C2CD5: variants seen among roughly 807,000 people sequenced by gnomAD.
C2CD5 encodes C2 domain-containing protein 5.
In C2CD5, 109 loss-of-function variants were observed where a neutral mutation model predicts 130.3. The ratio of observed to expected loss-of-function variants is 0.84; its 90% confidence interval spans 0.72 to 0.98. The LOEUF is 0.98. Ranked by LOEUF, C2CD5 falls within the 50% of genes least tolerant of loss-of-function variation. The pLI is 0.00. For missense variants in C2CD5, 996 were observed against 1,261.8 expected (o/e 0.79, Z 3.19); for synonymous variants, 454 against 429.2 (o/e 1.06, Z -0.71).
chr12:22,523,875 A>G (rs1591980130), intron 6 of C2CD5, among the ~76,000 whole-genome samples: 2 of 150,696 alleles, frequency 1.3e-5, no homozygotes, highest in East Asian at 1.9e-4. Flanking sequence ...AAACAAATAT[A>G]TTTGCTATAT....
rs766371290 is a variant in C2CD5, at chr12:22,523,599, C to T, written c.627G>A (p.Leu209=). Residue 209 remains leucine (L), a synonymous_variant, in exon 7 of 27, where the codon TTG becomes TTA. Transcript: ENST00000446597. ...CATTTCCTCTCATTTCAAGTACTTTCAAGCCAATCTTCCTCTGCAGCTCAC... is the reference window on the plus strand; with the variant it reads ...CATTTCCTCTCATTTCAAGTACTTTTAAGCCAATCTTCCTCTGCAGCTCAC... ...MSGELQRKIG[L]KVLEMRGNAV... is the part of the protein sequence containing the mutation. 2.1e-5 allele frequency: 34 copies of T among 1,613,366 alleles called. No homozygotes were observed. The highest frequency in any genetic ancestry group is 2.8e-5 in the Non-Finnish European group (33 of 1,179,884).
At chr12:22,473,039 C>G (rs1017912040) in intron 16 of C2CD5, among the ~76,000 whole-genome samples, 1 of 152,056 alleles carries the variant, frequency 6.6e-6, no homozygotes, top group Non-Finnish European at 1.5e-5. Context: ...AAAACTAGCT[C>G]TTTCTCAAGC....
intron 3 of C2CD5, among the ~76,000 whole-genome samples, chr12:22,533,370 G>A (rs142570285): frequency 1.4e-4 from 21 of 152,298 alleles, no homozygotes; most frequent in African/African-American, 3.4e-4. Context: ...CTTCACCAGC[G>A]TCTGGGCTAT....
At chr12:22,510,914 T>C (rs1660034960) in intron 9 of C2CD5, among the ~76,000 whole-genome samples, 1 of 152,198 alleles carries the variant, frequency 6.6e-6, no homozygotes, top group Admixed American at 6.5e-5. Context: ...GAGGATCACT[T>C]GAGCCCAGGA....
intron 8 of C2CD5, among the ~76,000 whole-genome samples, chr12:22,517,296 CAAT>C (rs61376295): frequency 0.16 from 24,120 of 151,322 alleles, 3,779 homozygotes; most frequent in African/African-American, 0.41. Flanking sequence ...TTTTTCTAAA[CAAT>C]AATAATTTAA....
rs563206470 is a variant in C2CD5, at chr12:22,491,403, C to A, written c.1263-1185G>T. The stretch of plus-strand genomic sequence containing the variant: ...TCTTTTTATTTATATAATTCATATT[C>A]ATCCCCCAAAATCCAACTCAAGCAT... On this transcript the variant is annotated intron_variant, in intron 11 of 26. Transcript: ENST00000446597. Among the ~76,000 whole-genome samples, 3 of 152,050 alleles carry A rather than the reference C, an allele frequency of 2.0e-5. No homozygotes were observed. The South Asian group carries it at 6.2e-4, about 32-fold the overall frequency.
intron 2 of C2CD5, among the ~76,000 whole-genome samples, chr12:22,537,819 A>G (rs1208176648): frequency 6.6e-6 from 1 of 152,226 alleles, no homozygotes; most frequent in Non-Finnish European, 1.5e-5. Context: ...AGGTTCCTAG[A>G]AAAACACAAG....
At chr12:22,468,152 T>C (rs1942416320) in intron 22 of C2CD5, among the ~76,000 whole-genome samples, 1 of 150,694 alleles carries the variant, frequency 6.6e-6, no homozygotes, top group South Asian at 2.1e-4. Flanking sequence ...TAACCCTGAA[T>C]AAATACAAAT....
At chr12:22,468,837 G>C (rs1325837155) in intron 22 of C2CD5, among the ~76,000 whole-genome samples, 1 of 152,098 alleles carries the variant, frequency 6.6e-6, no homozygotes. Context: ...TATATGTAAA[G>C]TGAATATAAA....
chr12:22,527,273 A>G (rs900453542), intron 4 of C2CD5, among the ~76,000 whole-genome samples: 5 of 150,238 alleles, frequency 3.3e-5, no homozygotes, highest in African/African-American at 1.2e-4. Flanking sequence ...ATAATTTACT[A>G]TTATTTATTT....
chr12:22,471,272 A>G (rs1942984953), intron 20 of C2CD5, 127 bp downstream of exon 20: 1 of 622,550 alleles, frequency 1.6e-6, no homozygotes, highest in South Asian at 2.2e-5. Context: ...ATACTAACAT[A>G]TATTTTTTAA....
chr12:22,520,326 T>C (rs1037134245), intron 7 of C2CD5, among the ~76,000 whole-genome samples: 3 of 152,122 alleles, frequency 2.0e-5, no homozygotes, highest in Non-Finnish European at 4.4e-5. Flanking sequence ...TTCTTTTCCA[T>C]TGCTATATTA....
rs1950442789 is a variant in C2CD5 at position 22,523,445 on chromosome 12, G to C, written c.781C>G (p.Pro261Ala). 5 of 1,613,276 alleles carry C rather than the reference G, an allele frequency of 3.1e-6. No individual in the cohort carries two copies. Among genetic ancestry groups the C allele is most frequent in the Non-Finnish European group, 4.2e-6 (5 of 1,179,422 alleles). The stretch of plus-strand genomic sequence containing the variant: ...ACTTACTCCTTCATTTCTTTGGATG[G>C]GGAATTACATGCAGGAAGGAATGCT... ...PAAFLPACNS[P>A]SKEMKEIPFN... The change falls in exon 7 of 27, where the codon CCA becomes GCA. Residue 261 changes from proline (P) to alanine (A), a missense_variant. Pro to Ala is a conservative substitution (Grantham distance 27). Around this residue, in one of 9 missense-constraint regions of C2CD5, gnomAD observed 156 missense variants for 165.9 expected, o/e 0.94. Coordinates refer to ENST00000446597, the MANE Select transcript of C2CD5 (RefSeq NM_001286176.2).
rs1938096995 is a variant in C2CD5 at position 22,449,711 on chromosome 12, C to CA, written c.*48dup. 3 of 1,486,038 alleles carry CA rather than the reference C, an allele frequency of 2.0e-6. No individual in the cohort carries two copies. The South Asian group carries it at 3.8e-5, about 19-fold the overall frequency. The allele number at this position is 1,486,038 out of a possible 1,614,324, so 92.1% of individuals were successfully genotyped here. On this transcript the variant is annotated 3_prime_UTR_variant, in exon 27 of 27. Transcript: ENST00000446597. ...AAGAAGATAATTAATGACAAAATAA[C>CA]AGAGATTGATGAATTTCATTTAGTT... is the stretch of plus-strand genomic sequence containing the variant.
chr12:22,482,843 C>T (rs1944921979), intron 13 of C2CD5, 100 bp from the exon 14 acceptor site: 2 of 819,148 alleles, frequency 2.4e-6, no homozygotes, highest in Non-Finnish European at 4.0e-6. Context: ...AAAACATTTA[C>T]TTGTTTCTAA....
intron 26 of C2CD5, 38 bp from the exon 27 acceptor site, chr12:22,449,929 C>A: frequency 1.3e-6 from 2 of 1,552,788 alleles, no homozygotes; most frequent in South Asian, 2.3e-5. Flanking sequence ...CAGTTATACT[C>A]AACACATTCA....
chr12:22,468,061 G>A (rs1942387503), intron 22 of C2CD5, among the ~76,000 whole-genome samples: 1 of 145,900 alleles, frequency 6.9e-6, no homozygotes, highest in African/African-American at 2.5e-5. Context: ...TGTCGATTAG[G>A]TTTTAGGGCT....
chr12:22,523,379 A>G, intron 7 of C2CD5, 47 bp downstream of exon 7: 3 of 1,463,032 alleles, frequency 2.1e-6, no homozygotes, highest in Non-Finnish European at 2.9e-6. Flanking sequence ...AAGCATAGAT[A>G]AAAGATAAAA....
chr12:22,499,982 G>A (rs1947548217), intron 10 of C2CD5, among the ~76,000 whole-genome samples: 1 of 152,150 alleles, frequency 6.6e-6, no homozygotes, highest in African/African-American at 2.4e-5. Context: ...GAGGTCAGAA[G>A]TTCGAGATCA....
Sources: gnomAD v4.1 joint callset for allele counts (sites outside exome capture counted in the v4.1 genomes callset) on GRCh38, gnomAD v4.1.1 for gene constraint, gnomAD v4.1.1 regional missense constraint, MANE v1.5 for transcripts, NCBI Gene and HGNC (gene_info 2026-07-23, HGNC 2026-07-21) for gene names.